Variants in MARS1 observed in about 807,000 individuals in gnomAD.
The protein encoded by MARS1 is methionine--tRNA ligase, cytoplasmic.
A neutral mutation model predicts 119.5 loss-of-function variants in MARS1; 80 were observed. That is an observed-to-expected ratio of 0.67 (90% CI 0.56 to 0.81). The LOEUF is 0.81. MARS1 is among the 30% of genes least tolerant of loss of function. The pLI, the probability that MARS1 is intolerant of heterozygous loss-of-function variation, is 0.00. For missense variants in MARS1, 945 were observed against 1,116.5 expected (o/e 0.85, Z 2.19); for synonymous variants, 418 against 433.4 (o/e 0.96, Z 0.44).
intron 11 of MARS1, among the ~76,000 whole-genome samples, chr12:57,507,795 C>T (rs1396800275): frequency 6.1e-5 from 9 of 148,192 alleles, no homozygotes; most frequent in Non-Finnish European, 9.0e-5. Flanking sequence ...GCTGGCCGGG[C>T]GGAGGCTGAC....
chr12:57,507,581 C>T (rs1480543786), intron 11 of MARS1, among the ~76,000 whole-genome samples: 1 of 144,846 alleles, frequency 6.9e-6, no homozygotes, highest in African/African-American at 2.5e-5. Context: ...CCCCTCACCT[C>T]CCGGACGGGG....
In MARS1 at chr12:57,493,917, A is replaced by ATAT. The variant is rs1281456901; in HGVS notation, c.770+3274_770+3276dup. 3.6e-3 allele frequency among the ~76,000 whole-genome samples: 264 copies of ATAT among 73,158 alleles called. 17 individuals carry two copies. The highest frequency in any genetic ancestry group is 0.015 in the African/African-American group (249 of 16,134). The allele number at this position is 73,158 out of a possible 152,430, so 48.0% of individuals were successfully genotyped here. ...ATTTATGTTATATAATATATATAAT[A>ATAT]TATATAATATATATTATATATTATA... On this transcript the variant is annotated intron_variant, in intron 7 of 20. Transcript: ENST00000262027.
chr12:57,503,486 G>A (rs1176221548), intron 10 of MARS1, among the ~76,000 whole-genome samples: 1 of 151,852 alleles, frequency 6.6e-6, no homozygotes, highest in African/African-American at 2.4e-5. Context: ...ACCTGCCTCA[G>A]CCTCCCAAAG....
chr12:57,490,235 C>T lies in MARS1; in HGVS notation c.519C>T (p.Phe173=). 1 of 1,613,864 alleles carries T rather than the reference C, an allele frequency of 6.2e-7. No individual in the cohort carries two copies. The highest frequency in any genetic ancestry group is 8.5e-7 in the Non-Finnish European group (1 of 1,179,990). The stretch of plus-strand genomic sequence containing the variant: ...AGCTGAGTGCCCTGCACAGCTGGTT[C>T]CAGACACTGAGTACCCAGGAACCAT... The part of the protein sequence containing the change: ...PEELSALHSW[F]QTLSTQEPCQ... Residue 173 remains phenylalanine (F), a synonymous_variant, in exon 6 of 21, where the codon TTC becomes TTT. Transcript: ENST00000262027.
chr12:57,488,176 T>C lies in MARS1; in HGVS notation c.86T>C (p.Leu29Pro), dbSNP rs369180672. Residue 29 changes from leucine (L) to proline (P), a missense_variant, in exon 1 of 21, where the codon CTC becomes CCC. Leu to Pro is a moderately conservative substitution (Grantham distance 98, BLOSUM62 -3). Transcript: ENST00000262027. ...AGAGCCCGGGGCAGAGCAGAGGTGC[T>C]CATCAGCACTGTAGGCCCGGAAGGT... ...AGRARGRAEVLISTVGPEDCV... is the reference protein window; with the variant it reads ...AGRARGRAEVPISTVGPEDCV... The C allele has an allele frequency of 5.6e-6, 9 of 1,613,892 alleles. No homozygotes were observed. Among genetic ancestry groups the C allele is most frequent in the Non-Finnish European group, 7.6e-6 (9 of 1,179,894 alleles).
intron 15 of MARS1, among the ~76,000 whole-genome samples, 193 bp downstream of exon 15, chr12:57,513,157 G>A (rs545048831): frequency 6.6e-6 from 1 of 152,330 alleles, no homozygotes; most frequent in South Asian, 2.1e-4. Flanking sequence ...ACAGTTAGCT[G>A]TAGAGATGTG....
chr12:57,495,170 G>A lies in MARS1; in HGVS notation c.771-2987G>A, dbSNP rs1876534052. Among the ~76,000 whole-genome samples, 3 of 151,206 alleles carry A rather than the reference G, an allele frequency of 2.0e-5. No homozygotes were observed. The South Asian group carries it at 6.3e-4, about 32-fold the overall frequency. ...TCCCGGATGGGGTGGCTGCCGGGCG[G>A]GGGCTGCCCCCCACCTCCCGGATGG... is the stretch of plus-strand genomic sequence containing the variant. On this transcript the variant is annotated intron_variant, in intron 7 of 20. Transcript: ENST00000262027.
intron 11 of MARS1, among the ~76,000 whole-genome samples, chr12:57,509,248 A>C (rs1877393496): frequency 1.3e-5 from 2 of 152,166 alleles, no homozygotes; most frequent in Admixed American, 6.5e-5. Context: ...CTCTAGGTTC[A>C]TCTGGTTCAG....
rs1010610842 is a variant in MARS1, at chr12:57,495,135, G to A, written c.771-3022G>A. Among the ~76,000 whole-genome samples the A allele has an allele frequency of 3.1e-4, 46 of 148,676 alleles. No homozygotes were observed. The South Asian group carries it at 7.8e-3, about 25-fold the overall frequency. ...GGCTGGGTGGCGGCCAGGCGGAGGC[G>A]CCCCCCACCTCCCGGATGGGGTGGC... On this transcript the variant is annotated intron_variant, in intron 7 of 20. Coordinates refer to ENST00000262027, the MANE Select transcript of MARS1 (RefSeq NM_004990.4).
intron 11 of MARS1, among the ~76,000 whole-genome samples, chr12:57,504,695 ATT>A (rs34351056): frequency 9.7e-4 from 81 of 83,570 alleles, no homozygotes; most frequent in East Asian, 5.1e-3. Context: ...TGCCTGACTG[ATT>A]TTTTTTTTTT....
rs376861988 is a variant in MARS1, at chr12:57,489,155, G to T, written c.200+46G>T. ...TAGGGAGGTGGCTGAATCAAATCAG[G>T]CCTCACTGTCATTTGTGTGGCTTTA... On this transcript the variant is annotated intron_variant, in intron 2 of 20. Coordinates refer to ENST00000262027, the MANE Select transcript of MARS1 (RefSeq NM_004990.4). 6.9e-6 allele frequency: 11 copies of T among 1,601,458 alleles called. No homozygotes were observed. The African/African-American group carries it at 1.5e-4, about 21-fold the overall frequency.
chr12:57,511,876 C>T lies in MARS1; in HGVS notation c.1539+8C>T, dbSNP rs1877538188. ...GAAGGTTTTGAAGACAAGGTAAAAACCCTTTTTTATTCATATCATTCAGCC... is the reference window on the plus strand; with the variant it reads ...GAAGGTTTTGAAGACAAGGTAAAAATCCTTTTTTATTCATATCATTCAGCC... On this transcript the variant is annotated splice_region_variant and intron_variant, in intron 12 of 20. Transcript: ENST00000262027. The T allele has an allele frequency of 6.2e-7, 1 of 1,613,320 alleles. No homozygotes were observed. The highest frequency in any genetic ancestry group is 8.5e-7 in the Non-Finnish European group (1 of 1,179,600).
At chr12:57,501,563 T>C (rs1244558038) in intron 10 of MARS1, among the ~76,000 whole-genome samples, 1 of 152,162 alleles carries the variant, frequency 6.6e-6, no homozygotes, top group Non-Finnish European at 1.5e-5. Flanking sequence ...CTCACGCCTG[T>C]AATCCCAGCA....
At chr12:57,504,613 A>G (rs1420375324) in intron 11 of MARS1, among the ~76,000 whole-genome samples, 1 of 150,802 alleles carries the variant, frequency 6.6e-6, no homozygotes, top group African/African-American at 2.4e-5. Context: ...ATGCAGTGGC[A>G]TGATCATAGC....
At chr12:57,496,175 T>C (rs2140014363) in intron 7 of MARS1, among the ~76,000 whole-genome samples, 1 of 143,836 alleles carries the variant, frequency 7.0e-6, no homozygotes, top group Non-Finnish European at 1.5e-5. Context: ...TATAAGCACT[T>C]TCTTTTTTTT....
In MARS1 at chr12:57,498,257, G is replaced by T; in HGVS notation, c.871G>T (p.Ala291Ser). Residue 291 changes from alanine (A) to serine (S), a missense_variant, in exon 8 of 21, where the codon GCC (alanine) becomes TCC (serine). Coordinates refer to ENST00000262027, the MANE Select transcript of MARS1 (RefSeq NM_004990.4). ...GAACATCATTGGTTGTGTGCTCAGT[G>T]CCGATGTCTTTGCCAGGTGGAGCCA... ...LGNIIGCVLSADVFARYSRLR... is the reference protein window; with the variant it reads ...LGNIIGCVLSSDVFARYSRLR... 1 of 1,614,144 alleles carries T rather than the reference G, an allele frequency of 6.2e-7. No homozygotes were observed. Among genetic ancestry groups the T allele is most frequent in the South Asian group, 1.1e-5 (1 of 91,084 alleles).
intron 8 of MARS1, 40 bp from the exon 9 acceptor site, chr12:57,498,380 T>C: frequency 3.7e-6 from 6 of 1,605,786 alleles, no homozygotes; most frequent in Non-Finnish European, 5.1e-6. Context: ...AAGGAAGCGC[T>C]GAAGCGGGGC....
chr12:57,491,390 C>T (rs1875952247), intron 7 of MARS1, among the ~76,000 whole-genome samples: 1 of 152,194 alleles, frequency 6.6e-6, no homozygotes, highest in East Asian at 1.9e-4. Flanking sequence ...TGAACAGCCT[C>T]CACCTTCCAC....
intron 7 of MARS1, among the ~76,000 whole-genome samples, chr12:57,493,458 TATAA>T (rs1876160403): frequency 2.4e-3 from 1 of 416 alleles, no homozygotes; most frequent in Non-Finnish European, 0.031. Context: ...TATAATATAT[TATAA>T]TATATAATAT....
Sources: gnomAD v4.1 joint callset for allele counts (sites outside exome capture counted in the v4.1 genomes callset) on GRCh38, gnomAD v4.1.1 for gene constraint, MANE v1.5 for transcripts, NCBI Gene and HGNC (gene_info 2026-07-23, HGNC 2026-07-21) for gene names.